Variants in SPARCL1 observed in about 807,000 individuals in gnomAD.
The protein encoded by SPARCL1 is SPARC-like protein 1.
A neutral mutation model predicts 67.1 loss-of-function variants in SPARCL1; 52 were observed. The observed-to-expected ratio is 0.78, with a 90% CI of 0.62 to 0.98. The LOEUF (loss-of-function observed/expected upper bound fraction) is 0.98. SPARCL1 is among the 50% of genes least tolerant of loss of function. The pLI is 0.00. For missense variants in SPARCL1, 717 were observed against 782.4 expected, an observed-to-expected ratio of 0.92 and a Z score of 1.00; for synonymous variants, 226 against 267.8, an observed-to-expected ratio of 0.84 and a Z score of 1.52.
intron 9 of SPARCL1, among the ~76,000 whole-genome samples, 168 bp from the exon 10 acceptor site, chr4:87,479,746 C>CA (rs2110212044): frequency 6.6e-6 from 1 of 152,334 alleles, no homozygotes; most frequent in East Asian, 1.9e-4. Flanking sequence ...GTAAGGTTGA[C>CA]AGCTTTTGGG....
At chr4:87,520,312 C>T (rs1340058314) in intron 1 of SPARCL1, among the ~76,000 whole-genome samples, 1 of 147,532 alleles carries the variant, frequency 6.8e-6, no homozygotes, top group East Asian at 2.1e-4. Context: ...AAATAATTCA[C>T]TAATTTATTT....
At chr4:87,515,147 A>C (rs907563183) in intron 1 of SPARCL1, among the ~76,000 whole-genome samples, 4 of 152,234 alleles carry the variant, frequency 2.6e-5, no homozygotes, top group African/African-American at 9.6e-5. Flanking sequence ...TTTTGCTCAA[A>C]TGCGTGAGCT....
Position 87,482,561 on chromosome 4 carries a change from C to G in SPARCL1, c.1532-1G>C. 1.2e-6 allele frequency: 2 copies of G among 1,613,826 alleles called. No homozygotes were observed. Among genetic ancestry groups the G allele is most frequent in the Non-Finnish European group, 1.7e-6 (2 of 1,179,808 alleles). On this transcript the variant is annotated splice_acceptor_variant, in intron 7 of 10. Coordinates refer to ENST00000282470, the MANE Select transcript of SPARCL1 (RefSeq NM_004684.6). LOFTEE classifies it high-confidence loss of function. Reference sequence around the variant, plus strand: ...TCAAAGTCCGTACAAGTAGGAATAGCTGTTACAAGCAGAAAATGTACTGTA... The same window carrying G: ...TCAAAGTCCGTACAAGTAGGAATAGGTGTTACAAGCAGAAAATGTACTGTA...
intron 7 of SPARCL1, among the ~76,000 whole-genome samples, chr4:87,489,398 G>C (rs1724214621): frequency 6.6e-6 from 1 of 152,114 alleles, no homozygotes; most frequent in African/African-American, 2.4e-5. Context: ...CCCTACTTTG[G>C]CTCCCCCTCT....
chr4:87,507,259 A>G (rs1276961343), intron 1 of SPARCL1, among the ~76,000 whole-genome samples: 1 of 152,230 alleles, frequency 6.6e-6, no homozygotes, highest in Non-Finnish European at 1.5e-5. Context: ...CGTGTTTTGC[A>G]TCATAAGGCT....
chr4:87,475,218 T>C (rs565228219), intron 10 of SPARCL1, among the ~76,000 whole-genome samples: 35 of 152,320 alleles, frequency 2.3e-4, no homozygotes, highest in Non-Finnish European at 3.1e-4. Context: ...ACCCATAGAA[T>C]GTGACTTCCA....
chr4:87,504,135 T>TTGTGTGTGTGTGTG (rs70957258), intron 1 of SPARCL1, among the ~76,000 whole-genome samples: 4 of 30,934 alleles, frequency 1.3e-4, no homozygotes, highest in Non-Finnish European at 1.4e-4. Context: ...TGATTTGGTA[T>TTGTGTGTGTGTGTG]TGTGTGTGTG....
chr4:87,480,670 A>C (rs569489379), intron 8 of SPARCL1, 150 bp from the exon 9 acceptor site: 6 of 646,780 alleles, frequency 9.3e-6, no homozygotes, highest in African/African-American at 1.8e-5. Flanking sequence ...ATTCCTTCCA[A>C]TCAATACTAC....
intron 4 of SPARCL1, among the ~76,000 whole-genome samples, chr4:87,493,049 A>G (rs10031606): frequency 0.18 from 27,186 of 152,126 alleles, 3,056 homozygotes; most frequent in Admixed American, 0.25. Flanking sequence ...AGTATCTCCT[A>G]TCCTTCAGAT....
intron 1 of SPARCL1, among the ~76,000 whole-genome samples, chr4:87,501,381 A>G (rs983040879): frequency 2.0e-5 from 3 of 152,156 alleles, no homozygotes; most frequent in Non-Finnish European, 4.4e-5. Context: ...CACATACTCC[A>G]TAAGTTTCTT....
At chr4:87,478,627 G>A (rs932715700) in intron 10 of SPARCL1, among the ~76,000 whole-genome samples, 1 of 151,810 alleles carries the variant, frequency 6.6e-6, no homozygotes, top group Non-Finnish European at 1.5e-5. Context: ...TGGTAGAGGC[G>A]GGGTTTCACC....
intron 8 of SPARCL1, 140 bp from the exon 9 acceptor site, chr4:87,480,660 A>G (rs1723783690): frequency 1.5e-6 from 1 of 687,400 alleles, no homozygotes; most frequent in African/African-American, 1.8e-5. Flanking sequence ...ACTAAATGAA[A>G]TTCCTTCCAA....
intron 1 of SPARCL1, among the ~76,000 whole-genome samples, chr4:87,521,773 C>T (rs1193181692): frequency 3.3e-5 from 5 of 152,146 alleles, no homozygotes; most frequent in African/African-American, 1.2e-4. Context: ...TTTCTTATTA[C>T]TCTTGGCCTA....
intron 1 of SPARCL1, chr4:87,528,086 G>T (rs529422790): frequency 1.3e-5 from 2 of 152,192 alleles, no homozygotes; most frequent in Non-Finnish European, 2.9e-5. Flanking sequence ...CCTCTTTGCA[G>T]ATTAAAGGCA....
intron 1 of SPARCL1, among the ~76,000 whole-genome samples, chr4:87,513,147 G>A (rs1174273188): frequency 6.6e-6 from 1 of 152,224 alleles, no homozygotes; most frequent in Non-Finnish European, 1.5e-5. Flanking sequence ...AACTTATTAA[G>A]ATGGATTTAG....
intron 2 of SPARCL1, among the ~76,000 whole-genome samples, chr4:87,497,914 C>A (rs1306774838): frequency 6.6e-6 from 1 of 152,164 alleles, no homozygotes; most frequent in African/African-American, 2.4e-5. Flanking sequence ...GCCATGGCAG[C>A]TGGCTAATTT....
intron 7 of SPARCL1, among the ~76,000 whole-genome samples, chr4:87,483,010 T>A (rs1723894685): frequency 6.6e-6 from 1 of 151,294 alleles, no homozygotes; most frequent in Admixed American, 6.6e-5. Flanking sequence ...TTTGCAATCC[T>A]GCTACAAGTC....
intron 8 of SPARCL1, among the ~76,000 whole-genome samples, chr4:87,481,381 T>A (rs28662786): frequency 0.51 from 77,750 of 152,064 alleles, 22,596 homozygotes; most frequent in African/African-American, 0.8. Context: ...GGGACTCTTG[T>A]ACTCACTTTC....
chr4:87,474,999 C>G (rs369683732), intron 10 of SPARCL1, among the ~76,000 whole-genome samples: 2 of 152,178 alleles, frequency 1.3e-5, no homozygotes, highest in East Asian at 1.9e-4. Flanking sequence ...GCCTCAGCCT[C>G]CCAAAGTGCT....
Sources: gnomAD v4.1 joint callset for allele counts (sites outside exome capture counted in the v4.1 genomes callset) on GRCh38, gnomAD v4.1.1 for gene constraint, MANE v1.5 for transcripts, NCBI Gene and HGNC (gene_info 2026-07-23, HGNC 2026-07-21) for gene names.